Variants in TBC1D8B observed in about 807,000 individuals in gnomAD.
TBC1D8B encodes the protein RP11-321G1.1.
TBC1D8B carries 75 observed loss-of-function variants against 82.9 expected under a neutral mutation model. That is an observed-to-expected ratio of 0.90 (90% CI 0.75 to 1.10). The LOEUF (loss-of-function observed/expected upper bound fraction) is 1.10. Among genes scored for constraint, TBC1D8B ranks in the 50% least tolerant of loss-of-function variants. TBC1D8B has a pLI of 0.00. For synonymous variants in TBC1D8B, 276 were observed against 276.8 expected, an observed-to-expected ratio of 1.00 and a Z score of 0.03; for missense variants, 794 against 796.9, an observed-to-expected ratio of 1.00 and a Z score of 0.04.
chrX:106,865,516 A>G (rs1932808126), intron 14 of TBC1D8B, 43 bp from the exon 15 acceptor site: 6 of 1,042,447 alleles, frequency 5.8e-6, no homozygotes, highest in Non-Finnish European at 5.2e-6. Context: ...CTTTACTGCA[A>G]TGTTAAAATC....
chrX:106,841,416 G>A (rs1248358268), intron 10 of TBC1D8B, among the ~76,000 whole-genome samples: 2 of 111,527 alleles, frequency 1.8e-5, no homozygotes, highest in Non-Finnish European at 3.8e-5. Context: ...CCATGTAACC[G>A]AACATAGGTA....
At chrX:106,806,529 A>G (rs1212293431) in intron 1 of TBC1D8B, among the ~76,000 whole-genome samples, 3 of 111,816 alleles carry the variant, frequency 2.7e-5, no homozygotes, top group African/African-American at 9.8e-5. Flanking sequence ...TACTACACGA[A>G]TGGAGCTATG....
intron 1 of TBC1D8B, among the ~76,000 whole-genome samples, chrX:106,816,464 T>A (rs12391109): frequency 6.3e-5 from 7 of 111,466 alleles, no homozygotes; most frequent in African/African-American, 2.3e-4. Flanking sequence ...AGAATTATTT[T>A]TCCTTTTATC....
Position 106,873,982 on chromosome X carries a change from T to C in TBC1D8B, c.*17T>C, listed in dbSNP as rs781369420. 2.9e-5 allele frequency: 33 copies of C among 1,155,861 alleles called. No individual in the cohort carries two copies. In the South Asian group the frequency reaches 6.3e-4, roughly 22 times the overall value. Reference sequence around the variant, plus strand: ...AAGATGTAAATCCCTAGGAATTGCCTATCATAGACAAGTTTACTAACATTC... The same window carrying C: ...AAGATGTAAATCCCTAGGAATTGCCCATCATAGACAAGTTTACTAACATTC... On this transcript the variant is annotated 3_prime_UTR_variant, in exon 21 of 21. Transcript: ENST00000357242.
chrX:106,826,171 A>G lies in TBC1D8B; in HGVS notation c.969A>G (p.Ser323=), dbSNP rs1422759076. Residue 323 remains serine (S), a synonymous_variant, in exon 6 of 21, where the codon TCA becomes TCG. Coordinates refer to ENST00000357242, the MANE Select transcript of TBC1D8B (RefSeq NM_017752.3). ...HFNTHGKMCI[S]ENYICFASQD... ...ATACTCATGGGAAAATGTGCATCTC[A>G]GAAAATTATATCTGCTTTGCTAGCC... The G allele has an allele frequency of 1.7e-6, 2 of 1,208,903 alleles. No homozygotes were observed.
chrX:106,809,082 G>A (rs932042395), intron 1 of TBC1D8B, among the ~76,000 whole-genome samples: 7 of 112,074 alleles, frequency 6.2e-5, no homozygotes, highest in Non-Finnish European at 1.3e-4. Context: ...TAGAACATTT[G>A]CCCAGTTTTC....
chrX:106,849,584 A>C (rs897487416), intron 11 of TBC1D8B: 2 of 894,014 alleles, frequency 2.2e-6, no homozygotes, highest in Admixed American at 6.0e-5. Context: ...TGTGACTCTC[A>C]TGTCACTGAT....
At chrX:106,845,119 GCA>G (rs1195155854) in intron 10 of TBC1D8B, among the ~76,000 whole-genome samples, 1 of 109,335 alleles carries the variant, frequency 9.1e-6, no homozygotes, top group Non-Finnish European at 1.9e-5. Flanking sequence ...TCTTGCTCTT[GCA>G]CACTCTCACT....
At chrX:106,831,864 C>G (rs1011190267) in intron 7 of TBC1D8B, among the ~76,000 whole-genome samples, 8 of 111,061 alleles carry the variant, frequency 7.2e-5, no homozygotes, top group African/African-American at 2.6e-4. Flanking sequence ...CCATAATATT[C>G]TGTTTTCACT....
intron 14 of TBC1D8B, among the ~76,000 whole-genome samples, chrX:106,863,078 A>T (rs1395037988): frequency 9.0e-6 from 1 of 111,398 alleles, no homozygotes; most frequent in Non-Finnish European, 1.9e-5. Flanking sequence ...TGGCGGTGGA[A>T]TCCATGCTTG....
intron 7 of TBC1D8B, among the ~76,000 whole-genome samples, chrX:106,835,758 G>T (rs1044137452): frequency 4.5e-5 from 5 of 111,846 alleles, no homozygotes; most frequent in Non-Finnish European, 9.4e-5. Context: ...CATTTCCCAA[G>T]AAGTTCCTCA....
intron 7 of TBC1D8B, among the ~76,000 whole-genome samples, chrX:106,834,826 C>G (rs112891268): frequency 0.062 from 6,927 of 111,975 alleles, 553 homozygotes; most frequent in African/African-American, 0.21. Flanking sequence ...CTAGGTCACA[C>G]TGATGTGAGA....
chrX:106,810,708 C>T (rs1457080515), intron 1 of TBC1D8B, among the ~76,000 whole-genome samples: 1 of 112,053 alleles, frequency 8.9e-6, no homozygotes, highest in Non-Finnish European at 1.9e-5. Context: ...AATAAATTAA[C>T]ATTTTGGCTT....
At chrX:106,826,892 G>A (rs986853358) in intron 6 of TBC1D8B, among the ~76,000 whole-genome samples, 5 of 110,756 alleles carry the variant, frequency 4.5e-5, no homozygotes, top group Non-Finnish European at 7.6e-5. Flanking sequence ...CATCTTTTAC[G>A]TAAGTCAGAA....
At chrX:106,839,006 G>A (rs1932239715) in intron 7 of TBC1D8B, among the ~76,000 whole-genome samples, 2 of 111,451 alleles carry the variant, frequency 1.8e-5, no homozygotes, top group South Asian at 7.6e-4. Flanking sequence ...TCTCGAATAG[G>A]TGCTTTTCAG....
intron 12 of TBC1D8B, among the ~76,000 whole-genome samples, chrX:106,852,100 C>T (rs1344473022): frequency 7.4e-5 from 8 of 108,266 alleles, no homozygotes; most frequent in African/African-American, 1.3e-4. Flanking sequence ...TTTTAATGAT[C>T]GCCATTCTAA....
At chrX:106,846,266 AT>A (rs1932448966) in intron 10 of TBC1D8B, among the ~76,000 whole-genome samples, 1 of 105,136 alleles carries the variant, frequency 9.5e-6, no homozygotes, top group East Asian at 3.0e-4. Context: ...ATGCCCTGCT[AT>A]TTTTTCTTTA....
At chrX:106,838,672 T>C (rs935796940) in intron 7 of TBC1D8B, among the ~76,000 whole-genome samples, 8 of 112,212 alleles carry the variant, frequency 7.1e-5, no homozygotes, top group African/African-American at 2.6e-4. Flanking sequence ...TTGTTTGCTC[T>C]AGCTGAAATC....
chrX:106,839,566 TG>T (rs1484680481), intron 8 of TBC1D8B, 109 bp downstream of exon 8: 2 of 812,537 alleles, frequency 2.5e-6, no homozygotes, highest in Non-Finnish European at 3.3e-6. Context: ...TTTTGGGACT[TG>T]AAAAGTTTTC....
Sources: allele counts gnomAD v4.1 joint callset (sites outside exome capture counted in the v4.1 genomes callset), GRCh38; gene constraint gnomAD v4.1.1; transcripts MANE v1.5; gene names NCBI Gene and HGNC (gene_info 2026-07-23, HGNC 2026-07-21).